Variants in INPP4B observed in about 807,000 individuals in gnomAD.
INPP4B encodes the protein inositol polyphosphate-4-phosphatase type II B, also known as inositol polyphosphate 4-phosphatase type II.
A neutral mutation model predicts 122.5 loss-of-function variants in INPP4B; 55 were observed. The observed-to-expected ratio is 0.45, with a 90% CI of 0.36 to 0.56. INPP4B has a LOEUF of 0.56. Ranked by LOEUF, INPP4B falls within the 20% of genes least tolerant of loss-of-function variation. The pLI is 0.00. For missense variants in INPP4B, 1,000 were observed against 1,097.7 expected (o/e 0.91, Z 1.26); for synonymous variants, 403 against 388.7 (o/e 1.04, Z -0.43).
intron 17 of INPP4B, among the ~76,000 whole-genome samples, chr4:142,157,924 C>T (rs1306116803): frequency 6.6e-6 from 1 of 151,986 alleles, no homozygotes; most frequent in African/African-American, 2.4e-5. Flanking sequence ...AGCAGCCATC[C>T]AGCCCCACCC....
At chr4:142,334,392 G>A (rs904145746) in intron 7 of INPP4B, among the ~76,000 whole-genome samples, 2 of 152,134 alleles carry the variant, frequency 1.3e-5, no homozygotes, top group African/African-American at 2.4e-5. Flanking sequence ...TTTGGGTATT[G>A]TGAATAATGC....
At chr4:142,742,398 C>T (rs1203937226) in intron 1 of INPP4B, among the ~76,000 whole-genome samples, 1 of 151,866 alleles carries the variant, frequency 6.6e-6, no homozygotes, top group South Asian at 2.1e-4. Flanking sequence ...TTTCATTTTT[C>T]TGATTCCAAC....
In INPP4B at chr4:142,587,663, T is replaced by C. The variant is rs531742591; in HGVS notation, c.-190-124937A>G. Among the ~76,000 whole-genome samples the C allele has an allele frequency of 1.6e-4, 25 of 152,204 alleles. 2 individuals are homozygous for C. In the South Asian group the frequency reaches 5.2e-3, roughly 32 times the overall value. ...ATTGGATGTCCATCACCTCAAGCAT[T>C]TAACCTTTGCATTACAAACAATCCT... On this transcript the variant is annotated intron_variant, in intron 2 of 25. Coordinates refer to ENST00000262992, the MANE Select transcript of INPP4B (RefSeq NM_001101669.3).
intron 2 of INPP4B, among the ~76,000 whole-genome samples, chr4:142,647,855 G>A (rs1253337977): frequency 6.6e-6 from 1 of 152,248 alleles, no homozygotes; most frequent in Non-Finnish European, 1.5e-5. Flanking sequence ...TTTGCCCAAA[G>A]CAGATGCTAA....
intron 3 of INPP4B, among the ~76,000 whole-genome samples, chr4:142,440,589 C>T (rs967638301): frequency 6.6e-6 from 1 of 152,116 alleles, no homozygotes; most frequent in Admixed American, 6.6e-5. Context: ...AGCAGAGCTG[C>T]TCTGTTTGGT....
At chr4:142,636,575 T>C (rs1749214921) in intron 2 of INPP4B, among the ~76,000 whole-genome samples, 1 of 152,030 alleles carries the variant, frequency 6.6e-6, no homozygotes, top group East Asian at 1.9e-4. Context: ...GAGGTATTAG[T>C]TTTAGTTTAT....
In INPP4B at chr4:142,604,322, C is replaced by A. The variant is rs1740734622; in HGVS notation, c.-191+121517G>T. Among the ~76,000 whole-genome samples, 2 of 152,044 alleles carry A rather than the reference C, an allele frequency of 1.3e-5. 1 individual carries two copies. Among genetic ancestry groups the A allele is most frequent in the South Asian group, 4.2e-4 (2 of 4,818 alleles). ...TTTTCCTCTAAGAACTGGAACAAGA[C>A]AAGGATGCCCAAATTTACTACTCCT... On this transcript the variant is annotated intron_variant, in intron 2 of 25. Coordinates refer to ENST00000262992, the MANE Select transcript of INPP4B (RefSeq NM_001101669.3).
intron 18 of INPP4B, among the ~76,000 whole-genome samples, chr4:142,134,174 C>T (rs940856110): frequency 6.6e-6 from 1 of 152,150 alleles, no homozygotes; most frequent in Non-Finnish European, 1.5e-5. Flanking sequence ...ATTAATATCA[C>T]CTTTAAAAAC....
At chr4:142,068,672 G>A (rs1011862993) in intron 25 of INPP4B, among the ~76,000 whole-genome samples, 1 of 152,054 alleles carries the variant, frequency 6.6e-6, no homozygotes, top group Non-Finnish European at 1.5e-5. Flanking sequence ...AAAAAGCAGG[G>A]GTTGCCATCC....
At chr4:142,084,036 A>T (rs945219562) in intron 24 of INPP4B, among the ~76,000 whole-genome samples, 1 of 152,186 alleles carries the variant, frequency 6.6e-6, no homozygotes, top group Non-Finnish European at 1.5e-5. Context: ...TATTGACTTA[A>T]CACACTTGAT....
chr4:142,410,641 T>C (rs1179161314), intron 5 of INPP4B, among the ~76,000 whole-genome samples: 1 of 152,166 alleles, frequency 6.6e-6, no homozygotes, highest in Admixed American at 6.5e-5. Flanking sequence ...GATAAAACCT[T>C]ATTTGAGAGA....
chr4:142,487,356 A>G (rs1821328866), intron 2 of INPP4B, among the ~76,000 whole-genome samples: 1 of 152,182 alleles, frequency 6.6e-6, no homozygotes, highest in African/African-American at 2.4e-5. Flanking sequence ...TGGATTACAG[A>G]AGCATTATAG....
chr4:142,471,216 C>G (rs193072771), intron 2 of INPP4B, among the ~76,000 whole-genome samples: 1 of 152,118 alleles, frequency 6.6e-6, no homozygotes, highest in East Asian at 1.9e-4. Flanking sequence ...TTTTAATTAA[C>G]GATCAAAATA....
At chr4:142,824,848 A>G (rs1033858743) in intron 1 of INPP4B, among the ~76,000 whole-genome samples, 1 of 152,152 alleles carries the variant, frequency 6.6e-6, no homozygotes, top group Non-Finnish European at 1.5e-5. Context: ...TAATTTCTAT[A>G]ATATAAATTG....
chr4:142,649,505 A>C (rs1752489016), intron 2 of INPP4B, among the ~76,000 whole-genome samples: 1 of 152,354 alleles, frequency 6.6e-6, no homozygotes, highest in East Asian at 1.9e-4. Context: ...TAACTAGGAT[A>C]AACAGTGTAG....
intron 2 of INPP4B, among the ~76,000 whole-genome samples, chr4:142,551,132 G>C (rs924822246): frequency 6.6e-6 from 1 of 152,204 alleles, no homozygotes; most frequent in African/African-American, 2.4e-5. Flanking sequence ...GTGGCCATTT[G>C]TTGTTTTATG....
intron 18 of INPP4B, among the ~76,000 whole-genome samples, chr4:142,127,107 G>C (rs1356634775): frequency 6.6e-6 from 1 of 152,136 alleles, no homozygotes; most frequent in African/African-American, 2.4e-5. Context: ...GGCTGAAGCA[G>C]AACTACTTTG....
At chr4:142,316,276 G>A (rs1239654865) in intron 7 of INPP4B, among the ~76,000 whole-genome samples, 1 of 152,156 alleles carries the variant, frequency 6.6e-6, no homozygotes, top group African/African-American at 2.4e-5. Flanking sequence ...GCACTTGCTG[G>A]CTAAGAGCAT....
intron 15 of INPP4B, among the ~76,000 whole-genome samples, chr4:142,174,376 C>T (rs1046825498): frequency 5.3e-5 from 8 of 152,054 alleles, no homozygotes; most frequent in African/African-American, 1.9e-4. Flanking sequence ...GCATTCAATA[C>T]CTACTACCTA....
Sources: allele counts gnomAD v4.1 joint callset (sites outside exome capture counted in the v4.1 genomes callset), GRCh38; gene constraint gnomAD v4.1.1; transcripts MANE v1.5; gene names NCBI Gene and HGNC (gene_info 2026-07-23, HGNC 2026-07-21).